The following ANO6 variants were observed in gnomAD, a reference collection of about 807,000 sequenced individuals.
ANO6 encodes anoctamin 6.
A neutral mutation model predicts 117.5 loss-of-function variants in ANO6; 106 were observed. The ratio of observed to expected loss-of-function variants is 0.90; its 90% CI spans 0.77 to 1.06. The LOEUF (loss-of-function observed/expected upper bound fraction) is 1.06. Ranked by LOEUF, ANO6 falls within the 50% of genes least tolerant of loss-of-function variation. ANO6 has a pLI of 0.00. For missense variants in ANO6, 955 were observed against 1,121.1 expected (o/e 0.85, Z 2.12); for synonymous variants, 367 against 385.1 (o/e 0.95, Z 0.55).
intron 12 of ANO6, among the ~76,000 whole-genome samples, chr12:45,397,470 C>A (rs2137611369): frequency 6.6e-6 from 1 of 152,294 alleles, no homozygotes; most frequent in South Asian, 2.1e-4. Context: ...TTTGACCCAG[C>A]AATCCCATTA....
chr12:45,286,147 C>T (rs995000674), intron 1 of ANO6, among the ~76,000 whole-genome samples: 2 of 152,160 alleles, frequency 1.3e-5, no homozygotes, highest in Non-Finnish European at 2.9e-5. Flanking sequence ...AGCAACAGCA[C>T]GATGGGCAGT....
intron 18 of ANO6, among the ~76,000 whole-genome samples, chr12:45,421,474 G>GTA (rs1943363700): frequency 1.3e-5 from 2 of 152,128 alleles, no homozygotes; most frequent in African/African-American, 4.8e-5. Flanking sequence ...CTCAGAAAAT[G>GTA]TATATATATG....
At chr12:45,366,200 C>A (rs1244289266) in intron 8 of ANO6, among the ~76,000 whole-genome samples, 2 of 148,796 alleles carry the variant, frequency 1.3e-5, no homozygotes, top group African/African-American at 4.9e-5. Flanking sequence ...GTCTGCAAAA[C>A]TTTTACCAAT....
exon 20 of ANO6, chr12:45,439,692 C>A: frequency 1.4e-6 from 2 of 1,447,412 alleles, no homozygotes; most frequent in Non-Finnish European, 1.8e-6. Flanking sequence ...CTTTGTTGCC[C>A]AGGCTGGGAC....
At chr12:45,296,286 T>C (rs564517785) in intron 1 of ANO6, among the ~76,000 whole-genome samples, 1 of 152,332 alleles carries the variant, frequency 6.6e-6, no homozygotes, top group African/African-American at 2.4e-5. Context: ...CTCAAGGTGA[T>C]ATGGGCCATT....
At chr12:45,297,764 C>A (rs1939343163) in intron 1 of ANO6, among the ~76,000 whole-genome samples, 1 of 151,966 alleles carries the variant, frequency 6.6e-6, no homozygotes, top group Admixed American at 6.6e-5. Context: ...ATAATTAATT[C>A]TATTGAATTT....
chr12:45,437,490 A>C (rs1323007673), intron 19 of ANO6, among the ~76,000 whole-genome samples: 4 of 152,144 alleles, frequency 2.6e-5, no homozygotes, highest in Non-Finnish European at 4.4e-5. Context: ...TTCATTTCTA[A>C]TACAGTAATT....
intron 2 of ANO6, among the ~76,000 whole-genome samples, chr12:45,305,252 C>A (rs1939631500): frequency 6.6e-6 from 1 of 152,142 alleles, no homozygotes; most frequent in South Asian, 2.1e-4. Flanking sequence ...AGGGACCCGG[C>A]AAATACTGGC....
At position 45,430,728 on chromosome 12, in the gene ANO6, G is replaced by GC; in HGVS notation, c.*1422dup. ...ACTCCTGTCTTGCCATGCACGTCTT[G>GC]CCCCCTCACTTTTGCTCAGCCTAGC... is the stretch of plus-strand genomic sequence containing the variant. On this transcript the variant is annotated 3_prime_UTR_variant, in exon 20 of 20. Transcript: ENST00000320560. The GC allele has an allele frequency of 4.1e-6, 4 of 985,370 alleles. No homozygotes were observed. Among genetic ancestry groups the GC allele is most frequent in the Non-Finnish European group, 4.8e-6 (4 of 829,942 alleles). 61.0% of individuals were successfully genotyped at this position (985,370 alleles called of 1,614,324 possible). A position where few individuals can be genotyped will look rare whatever the true frequency, so the allele number is the denominator to read the frequency against.
rs1160749618 is a variant in ANO6 at position 45,335,969 on chromosome 12, A to G, written c.279+4546A>G. 2.6e-5 allele frequency among the ~76,000 whole-genome samples: 4 copies of G among 151,972 alleles called. No homozygotes were observed. In the East Asian group the frequency reaches 7.7e-4, roughly 29 times the overall value. On this transcript the variant is annotated intron_variant, in intron 3 of 19. Coordinates refer to ENST00000320560, the MANE Select transcript of ANO6 (RefSeq NM_001025356.3). The stretch of plus-strand genomic sequence containing the variant: ...ATGACAATTTTGTTCTTTCTTTGCC[A>G]TATTTATACTTTCTTTTTCTTGTCT...
At chr12:45,437,276 T>C (rs577624200), downstream of ANO6, among the ~76,000 whole-genome samples, 1 of 152,212 alleles carries the variant, frequency 6.6e-6, no homozygotes, top group South Asian at 2.1e-4. Context: ...AGAGGCTCCA[T>C]GACATGGAAC....
chr12:45,399,462 G>A (rs1189385828), intron 12 of ANO6, among the ~76,000 whole-genome samples: 2 of 152,146 alleles, frequency 1.3e-5, no homozygotes, highest in East Asian at 1.9e-4. Flanking sequence ...TCAAAGTGCT[G>A]GGATTACAGG....
At chr12:45,433,239 G>A (rs1484357267), downstream of ANO6, among the ~76,000 whole-genome samples, 19 of 152,214 alleles carry the variant, frequency 1.2e-4, no homozygotes, top group Admixed American at 1.2e-3. Context: ...CCACTCTTCT[G>A]CCTGCCTTTG....
In ANO6 at chr12:45,429,268, T is replaced by C; in HGVS notation, c.2690T>C (p.Met897Thr). Residue 897 changes from methionine (M) to threonine (T), a missense_variant, in exon 20 of 20, where the codon ATG (methionine) becomes ACG (threonine). Met to Thr is a moderately conservative substitution (Grantham distance 81, BLOSUM62 -1). Transcript: ENST00000320560. ...AATATGGGGGTGATAGCTGAGCGGATGATAGAAGCAGTAGATAACAATTTA... is the reference window on the plus strand; with the variant it reads ...AATATGGGGGTGATAGCTGAGCGGACGATAGAAGCAGTAGATAACAATTTA... Reference protein sequence around the residue: ...TKNMGVIAERMIEAVDNNLRP... With the variant: ...TKNMGVIAERTIEAVDNNLRP... 6.2e-7 allele frequency: 1 copy of C among 1,613,782 alleles called. No individual in the cohort carries two copies. Among genetic ancestry groups the C allele is most frequent in the Non-Finnish European group, 8.5e-7 (1 of 1,179,864 alleles).
chr12:45,321,090 G>C (rs1422080539), intron 2 of ANO6, among the ~76,000 whole-genome samples: 2 of 152,032 alleles, frequency 1.3e-5, no homozygotes, highest in South Asian at 4.1e-4. Context: ...AGTCTGGAAA[G>C]ACAGCTGGAT....
chr12:45,347,483 A>G (rs181007644), intron 4 of ANO6: 4 of 196,852 alleles, frequency 2.0e-5, no homozygotes, highest in Non-Finnish European at 3.1e-5. Context: ...TCAAAAATAT[A>G]TATGTACACA....
At chr12:45,407,963 G>A (rs1213182282) in intron 15 of ANO6, among the ~76,000 whole-genome samples, 5 of 152,120 alleles carry the variant, frequency 3.3e-5, no homozygotes, top group African/African-American at 1.2e-4. Context: ...GAAAGAAGTG[G>A]GGAAAGATTG....
chr12:45,304,745 G>A (rs1041969897), intron 2 of ANO6, among the ~76,000 whole-genome samples: 2 of 152,032 alleles, frequency 1.3e-5, no homozygotes, highest in Non-Finnish European at 2.9e-5. Flanking sequence ...CCTTTGAAAC[G>A]AGACCTAAGA....
intron 1 of ANO6, among the ~76,000 whole-genome samples, chr12:45,301,490 A>G (rs987537217): frequency 7.2e-5 from 11 of 151,904 alleles, no homozygotes; most frequent in Admixed American, 6.6e-5. Context: ...GGTAATATAC[A>G]CCTGTGGTCT....
Sources: gnomAD v4.1 joint callset for allele counts (sites outside exome capture counted in the v4.1 genomes callset) on GRCh38, gnomAD v4.1.1 for gene constraint, MANE v1.5 for transcripts, NCBI Gene and HGNC (gene_info 2026-07-23, HGNC 2026-07-21) for gene names.